Variants in COBL observed in about 807,000 individuals in gnomAD.
COBL encodes the protein cordon-bleu WH2 repeat protein, also known as protein cordon-bleu.
COBL carries 51 observed loss-of-function variants against 98.8 expected under a neutral mutation model. The observed-to-expected ratio is 0.52, with a 90% CI of 0.41 to 0.65. The LOEUF is 0.65. Ranked by LOEUF, COBL falls within the 30% of genes least tolerant of loss-of-function variation. The probability of loss-of-function intolerance (pLI) is 0.00; values close to 1 mark genes in which losing one functional copy is unlikely to be tolerated. For synonymous variants in COBL, 634 were observed against 651.7 expected (o/e 0.97, Z 0.41); for missense variants, 1,617 against 1,617.5 (o/e 1.00, Z 0.01).
chr7:51,162,808 C>T (rs1052488106), intron 5 of COBL, among the ~76,000 whole-genome samples: 4 of 152,218 alleles, frequency 2.6e-5, no homozygotes, highest in African/African-American at 9.6e-5. Context: ...TAGGCTTGCC[C>T]TCGGCCTCCG....
intron 2 of COBL, among the ~76,000 whole-genome samples, chr7:51,212,758 C>G (rs978259274): frequency 6.6e-6 from 1 of 152,192 alleles, no homozygotes; most frequent in East Asian, 1.9e-4. Flanking sequence ...AACTTTAACA[C>G]GCAATCTGAA....
Position 51,043,784 on chromosome 7 carries a change from T to C in COBL, c.1097-92A>G, listed in dbSNP as rs973445501. The C allele has an allele frequency of 1.6e-5, 19 of 1,151,962 alleles. No individual in the cohort carries two copies. In the Admixed American group the frequency reaches 3.5e-4, roughly 21 times the overall value. The allele number at this position is 1,151,962 out of a possible 1,614,324, so 71.4% of individuals were successfully genotyped here. A position where few individuals can be genotyped will look rare whatever the true frequency, so the allele number is the denominator to read the frequency against. ...TGACATCAGTCTGTCGGCCCCGCTC[T>C]AAAATTTGGGATTCAGGGTGCTCAA... On this transcript the variant is annotated intron_variant, in intron 7 of 12. Transcript: ENST00000265136.
intron 2 of COBL, among the ~76,000 whole-genome samples, chr7:51,215,428 C>G (rs377414621): frequency 6.6e-6 from 1 of 152,102 alleles, no homozygotes; most frequent in Non-Finnish European, 1.5e-5. Flanking sequence ...CTTAATGAGG[C>G]AGAAACATCA....
chr7:51,134,478 T>A (rs1799036896), intron 6 of COBL, among the ~76,000 whole-genome samples: 1 of 152,224 alleles, frequency 6.6e-6, no homozygotes, highest in South Asian at 2.1e-4. Context: ...CCACTGTGGG[T>A]AAGCACATTA....
At chr7:51,257,889 G>C (rs745687772) in intron 1 of COBL, among the ~76,000 whole-genome samples, 25 of 152,026 alleles carry the variant, frequency 1.6e-4, no homozygotes, top group Admixed American at 3.3e-4. Flanking sequence ...ATTCCTATAA[G>C]ACCTGCAAGC....
intron 2 of COBL, among the ~76,000 whole-genome samples, chr7:51,208,402 C>T (rs1473228977): frequency 2.2e-5 from 3 of 134,352 alleles, no homozygotes; most frequent in Non-Finnish European, 3.5e-5. Context: ...GGGTCAGCCC[C>T]CCGCCCGGCC....
chr7:51,121,410 C>T lies in COBL; in HGVS notation c.957+14748G>A, dbSNP rs539439088. Among the ~76,000 whole-genome samples, 75 of 152,284 alleles carry T rather than the reference C, an allele frequency of 4.9e-4. 1 individual carries two copies. Among genetic ancestry groups the T allele is most frequent in the Admixed American group, 7.8e-4 (12 of 15,310 alleles). On this transcript the variant is annotated intron_variant, in intron 6 of 12. Transcript: ENST00000265136. ...AGTTGAAGGAGTTCTCCATACAACACATCCCTTATCACATACATAATTTGC... is the reference window on the plus strand; with the variant it reads ...AGTTGAAGGAGTTCTCCATACAACATATCCCTTATCACATACATAATTTGC...
At chr7:51,287,506 T>C (rs912363170) in intron 1 of COBL, among the ~76,000 whole-genome samples, 1 of 152,208 alleles carries the variant, frequency 6.6e-6, no homozygotes, top group Non-Finnish European at 1.5e-5. Flanking sequence ...ACAAAGCAAT[T>C]GGAGCTCTCA....
chr7:51,228,733 G>T (rs919744168), intron 1 of COBL, among the ~76,000 whole-genome samples: 2 of 152,218 alleles, frequency 1.3e-5, no homozygotes, highest in Middle Eastern at 3.4e-3. Context: ...ACATTTGAGA[G>T]CCCAGTCCCA....
intron 2 of COBL, among the ~76,000 whole-genome samples, chr7:51,196,961 TC>T (rs990830842): frequency 6.0e-5 from 9 of 150,640 alleles, no homozygotes; most frequent in African/African-American, 2.2e-4. Context: ...ATTAATTTTT[TC>T]AAAAAAAAAA....
chr7:51,029,259 C>T lies in COBL; in HGVS notation c.1837G>A (p.Val613Met). ...ASHDVGKGIR[V>M]ALSNISKDGN... ...TCTTTAGAGATGTTAGATAAGGCCA[C>T]ACGGATTCCTTTTCCGACGTCATGG... The change falls in exon 10 of 13, where the codon GTG (valine) becomes ATG (methionine). Residue 613 changes from valine (V) to methionine (M), a missense_variant. Val to Met is a conservative substitution (Grantham distance 21). This residue lies in a region of COBL where 1,304 missense variants were observed against 1,282.0 expected (regional missense o/e 1.02). Transcript: ENST00000265136. 1 of 1,611,006 alleles carries T rather than the reference C, an allele frequency of 6.2e-7. No homozygotes were observed. Among genetic ancestry groups the T allele is most frequent in the Non-Finnish European group, 8.5e-7 (1 of 1,178,118 alleles).
intron 1 of COBL, among the ~76,000 whole-genome samples, chr7:51,298,237 T>C (rs749793988): frequency 9.8e-5 from 15 of 152,338 alleles, no homozygotes; most frequent in Admixed American, 3.9e-4. Context: ...CCACTGCATA[T>C]GACTCTAAGC....
chr7:51,119,263 T>C (rs999228178), intron 6 of COBL, among the ~76,000 whole-genome samples: 1 of 152,156 alleles, frequency 6.6e-6, no homozygotes, highest in Non-Finnish European at 1.5e-5. Context: ...TTACCATATA[T>C]ATCCTAGTGA....
intron 1 of COBL, among the ~76,000 whole-genome samples, chr7:51,255,541 C>T (rs919440198): frequency 1.3e-5 from 2 of 152,180 alleles, no homozygotes; most frequent in Non-Finnish European, 2.9e-5. Flanking sequence ...TCTGGAGGAA[C>T]ATGCTCAGAA....
chr7:51,304,998 G>C (rs1802326077), intron 1 of COBL, among the ~76,000 whole-genome samples: 1 of 152,094 alleles, frequency 6.6e-6, no homozygotes. Context: ...GTGCTCCCCA[G>C]AGCATAGCCC....
intron 1 of COBL, among the ~76,000 whole-genome samples, chr7:51,286,378 C>CA (rs1283213154): frequency 7.2e-6 from 1 of 138,260 alleles, no homozygotes; most frequent in Non-Finnish European, 1.5e-5. Context: ...GCTGTATCCA[C>CA]ATTATATAAA....
At chr7:51,183,265 A>G (rs1789162397) in intron 5 of COBL, among the ~76,000 whole-genome samples, 1 of 152,188 alleles carries the variant, frequency 6.6e-6, no homozygotes, top group African/African-American at 2.4e-5. Flanking sequence ...GATGGAGCAC[A>G]CTTCCAAACT....
At chr7:51,053,446 G>C (rs190095746) in intron 7 of COBL, among the ~76,000 whole-genome samples, 6 of 152,160 alleles carry the variant, frequency 3.9e-5, no homozygotes, top group African/African-American at 1.4e-4. Context: ...ACCCAGTCAG[G>C]AAGGCCTCCT....
At chr7:51,063,364 A>C (rs983062374) in intron 7 of COBL, among the ~76,000 whole-genome samples, 4 of 152,064 alleles carry the variant, frequency 2.6e-5, no homozygotes, top group African/African-American at 9.7e-5. Flanking sequence ...CGAACTCCTG[A>C]CCTCAGGTGA....
Sources: gnomAD v4.1 joint callset for allele counts (sites outside exome capture counted in the v4.1 genomes callset) on GRCh38, gnomAD v4.1.1 for gene constraint, gnomAD v4.1.1 regional missense constraint, MANE v1.5 for transcripts, NCBI Gene and HGNC (gene_info 2026-07-23, HGNC 2026-07-21) for gene names.